KCNT2: variants seen among roughly 807,000 people sequenced by gnomAD.
KCNT2 encodes the protein potassium sodium-activated channel subfamily T member 2.
In KCNT2, 67 loss-of-function variants were observed where a neutral mutation model predicts 153.8. The observed-to-expected ratio is 0.44, with a 90% confidence interval of 0.36 to 0.53. KCNT2 has a LOEUF of 0.53. KCNT2 is among the 20% of genes least tolerant of loss of function. The pLI, the probability that KCNT2 is intolerant of heterozygous loss-of-function variation, is 0.00. For missense variants in KCNT2, 975 were observed against 1,354.8 expected, an observed-to-expected ratio of 0.72 and a Z score of 4.40; for synonymous variants, 500 against 458.8, an observed-to-expected ratio of 1.09 and a Z score of -1.15.
intron 18 of KCNT2, among the ~76,000 whole-genome samples, chr1:196,327,424 A>G (rs1014678650): frequency 6.6e-6 from 1 of 152,094 alleles, no homozygotes; most frequent in African/African-American, 2.4e-5. Context: ...ACCAACAAAA[A>G]CAAGAACAAA....
At chr1:196,462,053 C>A (rs1414620857) in intron 8 of KCNT2, among the ~76,000 whole-genome samples, 3 of 151,640 alleles carry the variant, frequency 2.0e-5, no homozygotes, top group Admixed American at 6.6e-5. Flanking sequence ...ATGTTAATTT[C>A]TGACATGTCC....
chr1:196,367,342 G>A (rs1572186562), intron 14 of KCNT2, among the ~76,000 whole-genome samples: 1 of 152,060 alleles, frequency 6.6e-6, no homozygotes, highest in African/African-American at 2.4e-5. Flanking sequence ...TGACCTTCGT[G>A]GTACTTCACA....
At chr1:196,255,398 G>T (rs1433822600) in intron 26 of KCNT2, among the ~76,000 whole-genome samples, 1 of 151,598 alleles carries the variant, frequency 6.6e-6, no homozygotes. Context: ...TTATATTGAA[G>T]AAAGTTACAA....
At position 196,429,570 on chromosome 1, in the gene KCNT2, T is replaced by G. The variant is rs1558279921; in HGVS notation, c.819+7A>C. ...ATTTCTATGCAATATAAGATGGTTT[T>G]GTTTACCTGTATGGGTAGAACCACA... On this transcript the variant is annotated splice_region_variant and intron_variant, in intron 9 of 27. Coordinates refer to ENST00000294725, the MANE Select transcript of KCNT2 (RefSeq NM_198503.5). 1.3e-6 allele frequency: 2 copies of G among 1,587,504 alleles called. No individual in the cohort carries two copies. The highest frequency in any genetic ancestry group is 1.7e-6 in the Non-Finnish European group (2 of 1,168,290).
At chr1:196,382,677 T>C (rs1408610755) in intron 13 of KCNT2, among the ~76,000 whole-genome samples, 2 of 152,116 alleles carry the variant, frequency 1.3e-5, no homozygotes, top group East Asian at 3.9e-4. Context: ...TAAGTGAACA[T>C]AAATTAACAT....
chr1:196,344,365 G>A (rs1174711626), intron 14 of KCNT2, among the ~76,000 whole-genome samples: 11 of 152,086 alleles, frequency 7.2e-5, no homozygotes, highest in East Asian at 1.9e-4. Context: ...TAATGTTAAC[G>A]TATTTTTGGA....
chr1:196,567,667 C>T (rs1052237815), intron 1 of KCNT2, among the ~76,000 whole-genome samples: 2 of 152,150 alleles, frequency 1.3e-5, no homozygotes, highest in African/African-American at 4.8e-5. Flanking sequence ...TGTGTGATGG[C>T]TTCTGTCACA....
chr1:196,601,120 C>A (rs537555647), intron 1 of KCNT2, among the ~76,000 whole-genome samples: 5 of 152,224 alleles, frequency 3.3e-5, no homozygotes, highest in Admixed American at 1.3e-4. Flanking sequence ...CTTGAAAATG[C>A]CTTGCTCTCT....
chr1:196,298,503 A>G (rs977949571), intron 22 of KCNT2, among the ~76,000 whole-genome samples: 3 of 152,168 alleles, frequency 2.0e-5, no homozygotes, highest in African/African-American at 7.2e-5. Flanking sequence ...TCTCCCAATC[A>G]CAGGAACTTC....
chr1:196,568,673 T>C (rs1370040206), intron 1 of KCNT2, among the ~76,000 whole-genome samples: 1 of 151,806 alleles, frequency 6.6e-6, no homozygotes, highest in African/African-American at 2.4e-5. Context: ...AATGCTCTTT[T>C]TCTGGCAACT....
intron 5 of KCNT2, 45 bp from the exon 6 acceptor site, chr1:196,469,113 T>C (rs1270713219): frequency 8.8e-7 from 1 of 1,142,522 alleles, no homozygotes; most frequent in Admixed American, 1.9e-5. Flanking sequence ...TTATACTGCC[T>C]CCTATTAAAG....
intron 1 of KCNT2, among the ~76,000 whole-genome samples, chr1:196,565,709 G>A (rs1660026884): frequency 6.6e-6 from 1 of 151,414 alleles, no homozygotes; most frequent in African/African-American, 2.4e-5. Context: ...AGTGAAATAA[G>A]CCAAACACAG....
At chr1:196,478,909 T>A (rs1050589045) in intron 5 of KCNT2, among the ~76,000 whole-genome samples, 5 of 152,172 alleles carry the variant, frequency 3.3e-5, no homozygotes, top group African/African-American at 9.7e-5. Context: ...TTGAATACAA[T>A]AAAGTTGAAC....
intron 8 of KCNT2, among the ~76,000 whole-genome samples, chr1:196,437,268 T>C (rs967357975): frequency 1.2e-5 from 1 of 81,288 alleles, no homozygotes; most frequent in Non-Finnish European, 2.9e-5. Flanking sequence ...TATAAATATT[T>C]ATTATATATA....
intron 14 of KCNT2, among the ~76,000 whole-genome samples, chr1:196,347,868 C>T (rs1666274260): frequency 1.3e-5 from 2 of 152,114 alleles, no homozygotes; most frequent in African/African-American, 4.8e-5. Context: ...ATCATTACTT[C>T]CTCAGTTTTG....
chr1:196,604,700 A>G (rs990364154), intron 1 of KCNT2, among the ~76,000 whole-genome samples: 24 of 151,610 alleles, frequency 1.6e-4, no homozygotes, highest in African/African-American at 5.8e-4. Context: ...AGACATATCT[A>G]TTCATTACAT....
chr1:196,326,433 T>C (rs1243216884), intron 19 of KCNT2, among the ~76,000 whole-genome samples: 1 of 152,128 alleles, frequency 6.6e-6, no homozygotes, highest in African/African-American at 2.4e-5. Context: ...GCAGTAATTA[T>C]TTCAGTGGCC....
intron 26 of KCNT2, among the ~76,000 whole-genome samples, chr1:196,242,740 C>A (rs1490881598): frequency 6.6e-6 from 1 of 151,990 alleles, no homozygotes; most frequent in East Asian, 1.9e-4. Context: ...CTTCACAGAC[C>A]CTTTTAGCAA....
intron 13 of KCNT2, among the ~76,000 whole-genome samples, chr1:196,394,305 A>T (rs78661544): frequency 6.6e-6 from 1 of 151,660 alleles, no homozygotes; most frequent in East Asian, 2.0e-4. Context: ...CCAGAAAAAG[A>T]TGAAAAGGGA....
Sources: allele counts gnomAD v4.1 joint callset (sites outside exome capture counted in the v4.1 genomes callset), GRCh38; gene constraint gnomAD v4.1.1; transcripts MANE v1.5; gene names NCBI Gene and HGNC (gene_info 2026-07-23, HGNC 2026-07-21).